HEMK2: variants seen among roughly 807,000 people sequenced by gnomAD.
HEMK2 encodes the protein HemK methyltransferase 2, ETF1 glutamine and histone H4 lysine, also known as methyltransferase HEMK2.
At chr21:28,738,645 C>T in the HEMK2 span, among the ~76,000 whole-genome samples, 1 of 152,210 alleles carries the variant, frequency 6.6e-6, no homozygotes, top group Admixed American at 6.5e-5. Context: ...TGGGCCTTCT[C>T]CCTGGGGGCT....
At chr21:28,603,583 GTGTGTGTGTGTT>G in the HEMK2 span, among the ~76,000 whole-genome samples, 1 of 146,456 alleles carries the variant, frequency 6.8e-6, no homozygotes, top group Non-Finnish European at 1.5e-5. Context: ...GTGTGTGTGT[GTGTGTGTGTGTT>G]TTAGGTTGCA....
At chr21:28,714,154 A>G in the HEMK2 span, among the ~76,000 whole-genome samples, 2 of 152,236 alleles carry the variant, frequency 1.3e-5, no homozygotes, top group Admixed American at 1.3e-4. Flanking sequence ...TGCCTCTTCC[A>G]TAAAAATAGC....
chr21:28,593,043 T>C, the HEMK2 span, among the ~76,000 whole-genome samples: 378 of 152,210 alleles, frequency 2.5e-3, 1 homozygote, highest in African/African-American at 8.8e-3. Context: ...TTAAAAATAT[T>C]ATATTAGCCA....
the HEMK2 span, among the ~76,000 whole-genome samples, chr21:28,647,586 A>C: frequency 6.6e-6 from 1 of 151,510 alleles, no homozygotes; most frequent in Non-Finnish European, 1.5e-5. Flanking sequence ...ACCCAACGTC[A>C]CCTCCCTATG....
At chr21:28,597,533 C>A in the HEMK2 span, among the ~76,000 whole-genome samples, 2 of 152,202 alleles carry the variant, frequency 1.3e-5, no homozygotes, top group Non-Finnish European at 2.9e-5. Context: ...ACAGCAGACA[C>A]TGGACCCAGT....
At chr21:28,675,031 T>G in the HEMK2 span, among the ~76,000 whole-genome samples, 1 of 152,198 alleles carries the variant, frequency 6.6e-6, no homozygotes, top group African/African-American at 2.4e-5. Flanking sequence ...TAGCACCCAG[T>G]AACTAAATGA....
chr21:28,643,505 C>A, the HEMK2 span, among the ~76,000 whole-genome samples: 1 of 152,078 alleles, frequency 6.6e-6, no homozygotes, highest in Non-Finnish European at 1.5e-5. Context: ...TAGAAAGACC[C>A]CTTCTCTAGA....
chr21:28,764,554 G>A, the HEMK2 span, among the ~76,000 whole-genome samples: 12 of 152,158 alleles, frequency 7.9e-5, no homozygotes, highest in South Asian at 1.2e-3. Flanking sequence ...GAGCACAAAC[G>A]TCCTATAAAA....
At chr21:28,591,889 G>A in the HEMK2 span, among the ~76,000 whole-genome samples, 1 of 152,066 alleles carries the variant, frequency 6.6e-6, no homozygotes, top group Non-Finnish European at 1.5e-5. Flanking sequence ...TCTCGTTCTT[G>A]TTTACAGCTG....
At chr21:28,883,525 T>C in the HEMK2 span, among the ~76,000 whole-genome samples, 1 of 152,230 alleles carries the variant, frequency 6.6e-6, no homozygotes, top group South Asian at 2.1e-4. Context: ...GAGCCATCAG[T>C]ATATCCTAGA....
the HEMK2 span, among the ~76,000 whole-genome samples, chr21:28,810,652 G>C: frequency 6.6e-6 from 1 of 152,110 alleles, no homozygotes; most frequent in African/African-American, 2.4e-5. Flanking sequence ...GGACTTAGAC[G>C]GGCAAGGATA....
the HEMK2 span, among the ~76,000 whole-genome samples, chr21:28,841,213 T>A: frequency 3.0e-3 from 42 of 14,064 alleles, 1 homozygote; most frequent in South Asian, 6.5e-3. Context: ...TATAATATAT[T>A]ATATATATTA....
At chr21:28,794,257 T>G in the HEMK2 span, among the ~76,000 whole-genome samples, 8 of 152,202 alleles carry the variant, frequency 5.3e-5, no homozygotes, top group Non-Finnish European at 1.2e-4. Flanking sequence ...GTATTTTGGA[T>G]AGCAAACTTT....
At chr21:28,866,041 G>C in the HEMK2 span, among the ~76,000 whole-genome samples, 100,778 of 150,558 alleles carry the variant, frequency 0.67, 33,964 homozygotes, top group Non-Finnish European at 0.7. Context: ...AGTGACTCAT[G>C]CCTGTACTTC....
the HEMK2 span, among the ~76,000 whole-genome samples, chr21:28,731,476 G>A: frequency 1.3e-5 from 2 of 152,154 alleles, no homozygotes; most frequent in Admixed American, 1.3e-4. Flanking sequence ...CATTCTCTCT[G>A]TGTCCTTAGA....
chr21:28,648,745 T>C, the HEMK2 span, among the ~76,000 whole-genome samples: 58 of 152,318 alleles, frequency 3.8e-4, no homozygotes, highest in African/African-American at 1.3e-3. Context: ...TGTCTCTGAA[T>C]TCAGGGATTT....
chr21:28,799,815 A>G, the HEMK2 span, among the ~76,000 whole-genome samples: 1 of 152,168 alleles, frequency 6.6e-6, no homozygotes. Context: ...ATCTTTATTT[A>G]TGCAAAACTA....
chr21:28,711,026 A>G, the HEMK2 span, among the ~76,000 whole-genome samples: 5 of 152,126 alleles, frequency 3.3e-5, no homozygotes, highest in Middle Eastern at 3.4e-3. Flanking sequence ...GAGCCTTGTT[A>G]TTTTTTACTT....
chr21:28,672,062 G>C, the HEMK2 span, among the ~76,000 whole-genome samples: 1 of 152,038 alleles, frequency 6.6e-6, no homozygotes, highest in African/African-American at 2.4e-5. Context: ...TCAATCACCA[G>C]AGCACATTAG....
Sources: gnomAD v4.1 joint callset for allele counts (sites outside exome capture counted in the v4.1 genomes callset) on GRCh38, gnomAD v4.1.1 for gene constraint, MANE v1.5 for transcripts, NCBI Gene and HGNC (gene_info 2026-07-23, HGNC 2026-07-21) for gene names.